The following INPP4A variants were observed in gnomAD, a reference collection of about 807,000 sequenced individuals.
INPP4A encodes inositol polyphosphate-4-phosphatase type I A.
INPP4A carries 33 observed loss-of-function variants against 119.8 expected under a neutral mutation model. The ratio of observed to expected loss-of-function variants is 0.28; its 90% CI spans 0.21 to 0.37. The LOEUF (loss-of-function observed/expected upper bound fraction) is 0.37. Ranked by LOEUF, INPP4A falls within the 10% of genes least tolerant of loss-of-function variation. The pLI is 1.00. For missense variants in INPP4A, 956 were observed against 1,289.9 expected (o/e 0.74, Z 3.97); for synonymous variants, 496 against 500.7 (o/e 0.99, Z 0.12).
chr2:98,472,238 G>A (rs147794218), intron 1 of INPP4A, among the ~76,000 whole-genome samples: 175 of 152,360 alleles, frequency 1.1e-3, no homozygotes, highest in African/African-American at 4.0e-3. Flanking sequence ...GTTGGGGTCC[G>A]GGGTTGGGGG....
chr2:98,543,733 A>C, intron 10 of INPP4A, 144 bp from the exon 11 acceptor site: 1 of 993,468 alleles, frequency 1.0e-6, no homozygotes, highest in Non-Finnish European at 1.5e-6. Context: ...TGCCCTTTAG[A>C]CAGGCAGTGT....
At chr2:98,571,214 A>T (rs1410387923) in intron 22 of INPP4A, among the ~76,000 whole-genome samples, 1 of 152,130 alleles carries the variant, frequency 6.6e-6, no homozygotes, top group Non-Finnish European at 1.5e-5. Context: ...CTCTAATCTG[A>T]TCCCCACAGC....
At chr2:98,488,711 C>T (rs1027067802) in intron 1 of INPP4A, among the ~76,000 whole-genome samples, 1 of 152,184 alleles carries the variant, frequency 6.6e-6, no homozygotes, top group Non-Finnish European at 1.5e-5. Context: ...ATTTTGGACA[C>T]ACGAGAAGCT....
intron 1 of INPP4A, among the ~76,000 whole-genome samples, chr2:98,499,436 T>A (rs1682675592): frequency 6.6e-6 from 1 of 152,228 alleles, no homozygotes; most frequent in African/African-American, 2.4e-5. Flanking sequence ...CTAGCCTTGT[T>A]TAAGATCTGC....
At chr2:98,500,806 T>C (rs1327469126) in intron 1 of INPP4A, among the ~76,000 whole-genome samples, 2 of 151,832 alleles carry the variant, frequency 1.3e-5, no homozygotes, top group African/African-American at 4.8e-5. Flanking sequence ...CTCAGCAGGG[T>C]TCTTTGCTAA....
At chr2:98,543,393 G>T (rs1341210358) in intron 10 of INPP4A, among the ~76,000 whole-genome samples, 3 of 152,196 alleles carry the variant, frequency 2.0e-5, no homozygotes, top group African/African-American at 7.2e-5. Flanking sequence ...AATGAGAAGC[G>T]CTGTCCTGAT....
At chr2:98,528,135 T>A (rs542733186) in intron 4 of INPP4A, among the ~76,000 whole-genome samples, 67 of 152,206 alleles carry the variant, frequency 4.4e-4, no homozygotes, top group Non-Finnish European at 5.0e-4. Context: ...TGAAGGAGAG[T>A]ATGTCTAAAG....
At chr2:98,478,127 C>T (rs536712539) in intron 1 of INPP4A, among the ~76,000 whole-genome samples, 75 of 152,320 alleles carry the variant, frequency 4.9e-4, no homozygotes, top group Admixed American at 3.7e-3. Flanking sequence ...TGGACACTGC[C>T]GTAGGTGGGA....
chr2:98,447,332 A>AAT (rs1411524626), intron 1 of INPP4A, among the ~76,000 whole-genome samples: 1 of 151,934 alleles, frequency 6.6e-6, no homozygotes, highest in African/African-American at 2.4e-5. Context: ...GAACTTGATT[A>AAT]ATGAGCTGGT....
At chr2:98,449,382 T>C (rs749621075) in intron 1 of INPP4A, among the ~76,000 whole-genome samples, 8 of 152,236 alleles carry the variant, frequency 5.3e-5, no homozygotes, top group Non-Finnish European at 1.0e-4. Context: ...TCATGAATTC[T>C]TGCTTTATTC....
intron 23 of INPP4A, among the ~76,000 whole-genome samples, chr2:98,575,787 C>T (rs542324438): frequency 6.6e-6 from 1 of 152,266 alleles, no homozygotes; most frequent in East Asian, 1.9e-4. Flanking sequence ...AACAGATACC[C>T]GGAGCCCACC....
chr2:98,583,436 C>CCTGCAG (rs1699611391), intron 24 of INPP4A, among the ~76,000 whole-genome samples: 1 of 152,160 alleles, frequency 6.6e-6, no homozygotes, highest in Admixed American at 6.5e-5. Context: ...CGTGGCATTC[C>CCTGCAG]CTGCAGCGCG....
rs898253905 is a variant in INPP4A, at chr2:98,566,953, C to T, written c.2420+784C>T. Among the ~76,000 whole-genome samples, 2 of 152,176 alleles carry T rather than the reference C, an allele frequency of 1.3e-5. No homozygotes were observed. The highest frequency in any genetic ancestry group is 2.9e-5 in the Non-Finnish European group (2 of 68,030). On this transcript the variant is annotated intron_variant, in intron 21 of 24. Coordinates refer to ENST00000409851, the MANE Select transcript of INPP4A (RefSeq NM_001134225.2). The surrounding 1 kb of genome is among the most constrained non-coding windows in gnomAD (Gnocchi z 4.2). ...GAAATTTGGTTTCCAGAACAATATG[C>T]CGTGTTCCTGCTGGGCCTTCTGATG...
intron 21 of INPP4A, among the ~76,000 whole-genome samples, chr2:98,567,372 C>T (rs1339961239): frequency 6.6e-6 from 1 of 152,188 alleles, no homozygotes; most frequent in East Asian, 1.9e-4. Context: ...GCAGGAGAGT[C>T]GTGTCCAGAG....
At chr2:98,480,123 C>T (rs1479926893) in intron 1 of INPP4A, among the ~76,000 whole-genome samples, 5 of 152,216 alleles carry the variant, frequency 3.3e-5, no homozygotes, top group Non-Finnish European at 7.3e-5. Flanking sequence ...CTGACACCCT[C>T]CCTGCCAGCC....
Position 98,554,167 on chromosome 2 carries a change from GTGCAGTGCTGGGCTTTA to G in INPP4A, c.1348-103_1348-87del. 1 of 805,842 alleles carries G rather than the reference GTGCAGTGCTGGGCTTTA, an allele frequency of 1.2e-6. No homozygotes were observed. Among genetic ancestry groups the G allele is most frequent in the South Asian group, 1.8e-5 (1 of 56,140 alleles). The allele number at this position is 805,842 out of a possible 1,614,324, so 49.9% of individuals were successfully genotyped here. ...TTGCACTGTGGAGAAAGGCAGAGGG[GTGCAGTGCTGGGCTTTA>G]AGCCCATTCTCCATTTCTGAGATAA... On this transcript the variant is annotated intron_variant, in intron 14 of 24. Transcript: ENST00000409851. The surrounding 1 kb of genome is among the most constrained non-coding windows in gnomAD (Gnocchi z 4.7).
chr2:98,555,892 C>T (rs1694397255), intron 16 of INPP4A, 84 bp downstream of exon 16: 1 of 1,451,866 alleles, frequency 6.9e-7, no homozygotes, highest in Admixed American at 2.1e-5. Flanking sequence ...GACTCCATGC[C>T]CTCCTCCCCC....
At chr2:98,543,347 G>A (rs115349603) in intron 10 of INPP4A, among the ~76,000 whole-genome samples, 1,565 of 152,326 alleles carry the variant, frequency 0.01, 14 homozygotes, top group Middle Eastern at 0.02. Context: ...TATCCGGGAG[G>A]GCAGAAGGCC....
At chr2:98,585,601 G>A (rs181781465) in intron 24 of INPP4A, among the ~76,000 whole-genome samples, 29 of 152,288 alleles carry the variant, frequency 1.9e-4, no homozygotes, top group African/African-American at 6.5e-4. Context: ...TGCATGCCTC[G>A]CCCCGGGCCC....
Sources: gnomAD v4.1 joint callset for allele counts (sites outside exome capture counted in the v4.1 genomes callset) on GRCh38, gnomAD v4.1.1 for gene constraint, Gnocchi (gnomAD v3.1) non-coding constraint, MANE v1.5 for transcripts, NCBI Gene and HGNC (gene_info 2026-07-23, HGNC 2026-07-21) for gene names.